Variants in SLIT3 observed in about 807,000 individuals in gnomAD.
SLIT3 encodes slit guidance ligand 3.
In SLIT3, 68 loss-of-function variants were observed where a neutral mutation model predicts 184.0. The ratio of observed to expected loss-of-function variants is 0.37; its 90% confidence interval spans 0.30 to 0.45. The LOEUF is 0.45. Ranked by LOEUF, SLIT3 falls within the 20% of genes least tolerant of loss-of-function variation. SLIT3 has a pLI of 1.00. For missense variants in SLIT3, 1,707 were observed against 2,026.0 expected (o/e 0.84, Z 3.02); for synonymous variants, 831 against 828.6 (o/e 1.00, Z -0.05).
Position 168,707,579 on chromosome 5 carries a change from G to T in SLIT3, c.2844+397C>A, listed in dbSNP as rs566163946. On this transcript the variant is annotated intron_variant, in intron 26 of 35. Transcript: ENST00000519560. ...TCAAGGCTGGTTGCTCTGAGGGTGG[G>T]GTTTGGCAGGGGCATGGTGGGGTGG... The T allele has an allele frequency of 2.8e-4, 48 of 172,530 alleles. No homozygotes were observed. The East Asian group carries it at 7.2e-3, about 26-fold the overall frequency. 10.7% of individuals were successfully genotyped at this position (172,530 alleles called of 1,614,324 possible). A position where few individuals can be genotyped will look rare whatever the true frequency, so the allele number is the denominator to read the frequency against.
At chr5:169,139,830 C>T (rs758904903) in intron 4 of SLIT3, among the ~76,000 whole-genome samples, 20 of 152,278 alleles carry the variant, frequency 1.3e-4, no homozygotes, top group Non-Finnish European at 2.5e-4. Flanking sequence ...AACAGAATGC[C>T]GCTGAAGAAT....
intron 4 of SLIT3, among the ~76,000 whole-genome samples, chr5:169,192,111 A>G (rs946743053): frequency 1.3e-5 from 2 of 152,162 alleles, no homozygotes; most frequent in Non-Finnish European, 2.9e-5. Context: ...TGGTATGCCC[A>G]TTTGGCATAG....
intron 32 of SLIT3, among the ~76,000 whole-genome samples, chr5:168,674,397 G>C (rs1362628126): frequency 1.3e-5 from 2 of 151,988 alleles, no homozygotes; most frequent in African/African-American, 4.8e-5. Flanking sequence ...AGAAGATTTT[G>C]GATTTCAGAT....
At position 168,949,864 on chromosome 5, in the gene SLIT3, T is replaced by G. The variant is rs9313433; in HGVS notation, c.414-66528A>C. On this transcript the variant is annotated intron_variant, in intron 4 of 35. Transcript: ENST00000519560. ...ACCTCAGCCTCCCAAAGTGCTGGGA[T>G]TACAGGTGTGAGCCACCATGCCTGG... 6.9e-3 allele frequency among the ~76,000 whole-genome samples: 1,050 copies of G among 152,268 alleles called. 17 individuals carry two copies. The highest frequency in any genetic ancestry group is 0.024 in the African/African-American group (1,004 of 41,562).
intron 4 of SLIT3, among the ~76,000 whole-genome samples, chr5:168,918,157 C>T (rs1023885749): frequency 6.6e-6 from 1 of 152,146 alleles, no homozygotes; most frequent in African/African-American, 2.4e-5. Context: ...ATATAATAAA[C>T]AGCAATGCCA....
intron 4 of SLIT3, among the ~76,000 whole-genome samples, chr5:169,008,729 G>A (rs976312946): frequency 1.3e-5 from 2 of 151,972 alleles, no homozygotes; most frequent in Non-Finnish European, 2.9e-5. Context: ...TCAAACTTCT[G>A]GACTCCAGTG....
rs191928896 is a variant in SLIT3, at chr5:168,918,994, G to A, written c.414-35658C>T. On this transcript the variant is annotated intron_variant, in intron 4 of 35. Transcript: ENST00000519560. ...ATCCTATAGATATACTAGTAGTAAT[G>A]TGCAAAATACACATAGGATACTTTG... 2.9e-3 allele frequency among the ~76,000 whole-genome samples: 438 copies of A among 152,182 alleles called. 1 individual carries two copies. Among genetic ancestry groups the A allele is most frequent in the African/African-American group, 0.01 (425 of 41,502 alleles).
intron 4 of SLIT3, among the ~76,000 whole-genome samples, chr5:168,956,253 C>T (rs1762820631): frequency 6.6e-6 from 1 of 152,146 alleles, no homozygotes; most frequent in Non-Finnish European, 1.5e-5. Flanking sequence ...ATCTTCAAAA[C>T]CAGCCCGTTA....
intron 28 of SLIT3, 60 bp downstream of exon 28, chr5:168,696,231 GA>G: frequency 6.3e-7 from 1 of 1,597,366 alleles, no homozygotes; most frequent in Non-Finnish European, 8.6e-7. Context: ...AGGAAGTTAA[GA>G]AAATGGTATT....
At chr5:168,688,719 C>T (rs1240749170) in intron 29 of SLIT3, among the ~76,000 whole-genome samples, 1 of 152,174 alleles carries the variant, frequency 6.6e-6, no homozygotes, top group South Asian at 2.1e-4. Context: ...CATGTTCAAC[C>T]AGTCTTTTAA....
intron 5 of SLIT3, among the ~76,000 whole-genome samples, chr5:168,863,090 C>T (rs993086842): frequency 6.6e-6 from 1 of 152,170 alleles, no homozygotes; most frequent in African/African-American, 2.4e-5. Context: ...TGAAAGCATC[C>T]ACGGACCCAA....
intron 4 of SLIT3, among the ~76,000 whole-genome samples, chr5:168,958,758 T>G (rs1182557557): frequency 6.6e-6 from 1 of 152,220 alleles, no homozygotes; most frequent in African/African-American, 2.4e-5. Flanking sequence ...ATTCAATGGT[T>G]TGTGTGTGCT....
At chr5:169,076,466 G>A (rs558200646) in intron 4 of SLIT3, among the ~76,000 whole-genome samples, 2 of 152,214 alleles carry the variant, frequency 1.3e-5, no homozygotes, top group East Asian at 3.9e-4. Context: ...CACTATCTTT[G>A]CCTTGTCTCT....
chr5:168,798,179 C>A (rs1226226420), intron 9 of SLIT3, among the ~76,000 whole-genome samples: 2 of 149,998 alleles, frequency 1.3e-5, no homozygotes, highest in South Asian at 4.2e-4. Flanking sequence ...GCACCCCTCA[C>A]ACTTGCTCAC....
At chr5:168,779,651 A>G (rs1755898080) in intron 12 of SLIT3, among the ~76,000 whole-genome samples, 1 of 152,202 alleles carries the variant, frequency 6.6e-6, no homozygotes, top group Non-Finnish European at 1.5e-5. Flanking sequence ...CCAAAGCAGA[A>G]AACAGAAGCC....
At chr5:169,151,680 T>C (rs994788073) in intron 4 of SLIT3, among the ~76,000 whole-genome samples, 1 of 152,208 alleles carries the variant, frequency 6.6e-6, no homozygotes, top group African/African-American at 2.4e-5. Context: ...CCCAGGCTTG[T>C]GATGAGAGCA....
intron 5 of SLIT3, among the ~76,000 whole-genome samples, chr5:168,876,596 C>T (rs1561981975): frequency 6.6e-6 from 1 of 152,170 alleles, no homozygotes; most frequent in Non-Finnish European, 1.5e-5. Context: ...ATACATTTCC[C>T]CTAGATGAAC....
chr5:168,776,602 T>G (rs551316608), intron 12 of SLIT3, among the ~76,000 whole-genome samples: 1 of 152,166 alleles, frequency 6.6e-6, no homozygotes, highest in Non-Finnish European at 1.5e-5. Flanking sequence ...GGGCTCAGTT[T>G]CTTCTTTACG....
chr5:169,283,545 A>G (rs1450042481), intron 1 of SLIT3, among the ~76,000 whole-genome samples: 1 of 152,212 alleles, frequency 6.6e-6, no homozygotes, highest in Non-Finnish European at 1.5e-5. Flanking sequence ...TGGGTGCAGA[A>G]GATGACATCC....
Sources: allele counts gnomAD v4.1 joint callset (sites outside exome capture counted in the v4.1 genomes callset), GRCh38; gene constraint gnomAD v4.1.1; transcripts MANE v1.5; gene names NCBI Gene and HGNC (gene_info 2026-07-23, HGNC 2026-07-21).